Variants in CAMKMT observed in about 807,000 individuals in gnomAD.
The protein encoded by CAMKMT is CaM KMT.
CAMKMT carries 53 observed loss-of-function variants against 48.0 expected under a neutral mutation model. The ratio of observed to expected loss-of-function variants is 1.10; its 90% CI spans 0.89 to 1.39. The LOEUF (loss-of-function observed/expected upper bound fraction) is 1.39, where lower values mean the gene tolerates loss of function less well. Among genes scored for constraint, CAMKMT ranks in the 40% most tolerant of loss-of-function variants. CAMKMT has a pLI of 0.00. For missense variants in CAMKMT, 428 were observed against 402.7 expected, an observed-to-expected ratio of 1.06 and a Z score of -0.54; for synonymous variants, 165 against 152.3, an observed-to-expected ratio of 1.08 and a Z score of -0.61.
intron 3 of CAMKMT, among the ~76,000 whole-genome samples, chr2:44,601,333 C>G (rs1167482437): frequency 7.2e-5 from 11 of 151,962 alleles, no homozygotes. Context: ...GTACATGCCT[C>G]TAATTCCAGC....
chr2:44,513,648 C>T (rs1483095963), intron 3 of CAMKMT, among the ~76,000 whole-genome samples: 2 of 152,128 alleles, frequency 1.3e-5, no homozygotes, highest in African/African-American at 2.4e-5. Flanking sequence ...AATCATAGCC[C>T]ACAGAACTTA....
At chr2:44,403,824 A>G (rs1396646095) in intron 3 of CAMKMT, among the ~76,000 whole-genome samples, 2 of 152,210 alleles carry the variant, frequency 1.3e-5, no homozygotes, top group African/African-American at 4.8e-5. Context: ...TGTCAAATCT[A>G]CACTAGAACA....
intron 3 of CAMKMT, among the ~76,000 whole-genome samples, chr2:44,641,195 G>A (rs2104000732): frequency 6.6e-6 from 1 of 152,252 alleles, no homozygotes; most frequent in South Asian, 2.1e-4. Flanking sequence ...CCAGTAAAAT[G>A]ACATTCAAGA....
chr2:44,640,231 A>G (rs1322350135), intron 3 of CAMKMT, among the ~76,000 whole-genome samples: 2 of 152,240 alleles, frequency 1.3e-5, no homozygotes, highest in Non-Finnish European at 2.9e-5. Flanking sequence ...ATCATTAGAA[A>G]AATGAACACT....
Position 44,743,713 on chromosome 2 carries a change from C to T in CAMKMT, c.698+17C>T. ...TGCTGACTGGTAAGTACATAAAAAT[C>T]ACAAAACTCCTGTTAGAAAAAAATA... is the stretch of plus-strand genomic sequence containing the variant. On this transcript the variant is annotated intron_variant, in intron 8 of 10. Transcript: ENST00000378494. The T allele has an allele frequency of 6.3e-7, 1 of 1,592,834 alleles. No individual in the cohort carries two copies.
chr2:44,719,405 A>T (rs141066182), intron 7 of CAMKMT, among the ~76,000 whole-genome samples: 76 of 152,250 alleles, frequency 5.0e-4, no homozygotes, highest in African/African-American at 1.8e-3. Context: ...TATTTTGACC[A>T]CCTTCTGTTT....
chr2:44,478,363 T>C (rs1668794949), intron 3 of CAMKMT, among the ~76,000 whole-genome samples: 1 of 152,208 alleles, frequency 6.6e-6, no homozygotes, highest in Non-Finnish European at 1.5e-5. Flanking sequence ...GCCTTTGCAA[T>C]ATCATCAGTT....
At chr2:44,599,833 A>AT (rs1670880082) in intron 3 of CAMKMT, among the ~76,000 whole-genome samples, 1 of 151,762 alleles carries the variant, frequency 6.6e-6, no homozygotes, top group Non-Finnish European at 1.5e-5. Flanking sequence ...GTTTAAAAAA[A>AT]AAAAAAAAGT....
chr2:44,363,353 G>T (rs372584972), intron 1 of CAMKMT, among the ~76,000 whole-genome samples: 37 of 151,986 alleles, frequency 2.4e-4, no homozygotes, highest in East Asian at 1.7e-3. Flanking sequence ...CGTGAGCTGG[G>T]GAGAGTGGAC....
intron 3 of CAMKMT, among the ~76,000 whole-genome samples, chr2:44,471,209 T>C (rs925352067): frequency 2.0e-5 from 3 of 152,150 alleles, no homozygotes; most frequent in African/African-American, 7.2e-5. Context: ...CAGGCTGGTC[T>C]GAAACTCCTG....
At chr2:44,701,444 A>C (rs1354936414) in intron 3 of CAMKMT, among the ~76,000 whole-genome samples, 1 of 152,190 alleles carries the variant, frequency 6.6e-6, no homozygotes. Flanking sequence ...CAAGGCTTTG[A>C]GGAAACAAAC....
At chr2:44,609,839 T>C (rs4953114) in intron 3 of CAMKMT, among the ~76,000 whole-genome samples, 4 of 152,238 alleles carry the variant, frequency 2.6e-5, no homozygotes, top group Admixed American at 6.5e-5. Context: ...TGATGATTAC[T>C]GTTGCAGTGA....
intron 3 of CAMKMT, among the ~76,000 whole-genome samples, chr2:44,641,049 C>G (rs957299853): frequency 2.6e-5 from 4 of 152,184 alleles, no homozygotes; most frequent in African/African-American, 9.7e-5. Context: ...CTTTTGATCT[C>G]TTTCAAACAC....
intron 3 of CAMKMT, among the ~76,000 whole-genome samples, chr2:44,499,661 A>T (rs918207676): frequency 2.0e-5 from 3 of 152,218 alleles, no homozygotes; most frequent in African/African-American, 7.2e-5. Flanking sequence ...GTGAGTATTG[A>T]TGAAATTCTT....
At chr2:44,479,232 C>G (rs894110400) in intron 3 of CAMKMT, among the ~76,000 whole-genome samples, 3 of 152,082 alleles carry the variant, frequency 2.0e-5, no homozygotes, top group Admixed American at 2.0e-4. Context: ...ACATTTTATA[C>G]TCAATAAAAA....
intron 3 of CAMKMT, among the ~76,000 whole-genome samples, chr2:44,445,332 AC>A (rs934875833): frequency 2.6e-5 from 4 of 151,968 alleles, no homozygotes; most frequent in African/African-American, 9.7e-5. Context: ...TCCCTCACAT[AC>A]CCCAGGTATT....
chr2:44,472,381 T>TA (rs1668466493), intron 3 of CAMKMT, among the ~76,000 whole-genome samples: 1 of 152,224 alleles, frequency 6.6e-6, no homozygotes, highest in African/African-American at 2.4e-5. Flanking sequence ...ATAAATGAGA[T>TA]AATGTATATA....
Position 44,396,919 on chromosome 2 carries a change from C to T in CAMKMT, c.376+6614C>T, listed in dbSNP as rs1310613650. 4.6e-5 allele frequency among the ~76,000 whole-genome samples: 7 copies of T among 151,464 alleles called. No homozygotes were observed. In the South Asian group the frequency reaches 6.2e-4, roughly 13 times the overall value. ...ACTAAAAATACAAAAATTAGCTGGG[C>T]GTAGTGGCGTGAGGCTGTAGTCTCA... is the stretch of plus-strand genomic sequence containing the variant. On this transcript the variant is annotated intron_variant, in intron 3 of 10. Coordinates refer to ENST00000378494, the MANE Select transcript of CAMKMT (RefSeq NM_024766.5).
chr2:44,679,887 T>G (rs527394656), intron 3 of CAMKMT, among the ~76,000 whole-genome samples: 1 of 152,252 alleles, frequency 6.6e-6, no homozygotes, highest in Non-Finnish European at 1.5e-5. Flanking sequence ...TGATCTCCGC[T>G]AAGTGGTTAG....
Sources: allele counts gnomAD v4.1 joint callset (sites outside exome capture counted in the v4.1 genomes callset), GRCh38; gene constraint gnomAD v4.1.1; transcripts MANE v1.5; gene names NCBI Gene and HGNC (gene_info 2026-07-23, HGNC 2026-07-21).